Variants in NXPE2 observed in about 807,000 individuals in gnomAD.
NXPE2 encodes the protein neurexophilin and PC-esterase domain family member 2.
Under a neutral mutation model 34.4 loss-of-function variants are expected in NXPE2, and 34 were observed. The ratio of observed to expected loss-of-function variants is 0.99; its 90% CI spans 0.75 to 1.31. The LOEUF is 1.31. Among genes scored for constraint, NXPE2 ranks in the 40% most tolerant of loss-of-function variants. The pLI, the probability that NXPE2 is intolerant of heterozygous loss-of-function variation, is 0.00. For synonymous variants in NXPE2, 235 were observed against 231.3 expected (o/e 1.02, Z -0.15); for missense variants, 649 against 672.5 (o/e 0.97, Z 0.39).
the NXPE2 span, among the ~76,000 whole-genome samples, chr11:114,715,526 C>G: frequency 6.6e-6 from 1 of 151,878 alleles, no homozygotes; most frequent in African/African-American, 2.4e-5. Flanking sequence ...TAATAGAAAC[C>G]AATAAATTGT....
the NXPE2 span, among the ~76,000 whole-genome samples, chr11:114,550,350 A>G: frequency 6.6e-6 from 1 of 152,182 alleles, no homozygotes; most frequent in African/African-American, 2.4e-5. Context: ...CTTTGTAATT[A>G]AAGTAGGATG....
chr11:114,551,077 C>T, the NXPE2 span: 1 of 1,264,456 alleles, frequency 7.9e-7, no homozygotes, highest in Non-Finnish European at 1.1e-6. Flanking sequence ...ACTGTGTGAT[C>T]TGCATCAAAG....
chr11:114,490,215 T>A, the NXPE2 span, among the ~76,000 whole-genome samples: 6 of 152,140 alleles, frequency 3.9e-5, no homozygotes, highest in Non-Finnish European at 5.9e-5. Flanking sequence ...GAGGATACAA[T>A]CAAATGGAAG....
the NXPE2 span, among the ~76,000 whole-genome samples, chr11:114,770,903 G>A: frequency 6.6e-6 from 1 of 152,184 alleles, no homozygotes; most frequent in South Asian, 2.1e-4. Flanking sequence ...CTATGGGTGT[G>A]TGAACTTGGA....
chr11:114,783,235 A>C, the NXPE2 span, among the ~76,000 whole-genome samples: 77 of 152,350 alleles, frequency 5.1e-4, no homozygotes, highest in Non-Finnish European at 8.2e-4. Flanking sequence ...GGTTGCCCAA[A>C]GTAACCATAA....
At chr11:114,606,527 C>T in the NXPE2 span, among the ~76,000 whole-genome samples, 1 of 151,668 alleles carries the variant, frequency 6.6e-6, no homozygotes, top group Non-Finnish European at 1.5e-5. Flanking sequence ...CCACTGTTAC[C>T]CTTTGGATAA....
the NXPE2 span, chr11:114,527,870 G>A: frequency 6.2e-6 from 10 of 1,606,378 alleles, no homozygotes; most frequent in African/African-American, 1.4e-5. Context: ...ATGTGTTTAC[G>A]ATCCTTCATC....
the NXPE2 span, among the ~76,000 whole-genome samples, chr11:114,723,117 G>C: frequency 9.9e-4 from 150 of 152,244 alleles, no homozygotes; most frequent in Admixed American, 8.2e-3. Context: ...TCAAAATTCA[G>C]GGTAGTGGAT....
chr11:114,720,247 G>A, the NXPE2 span, among the ~76,000 whole-genome samples: 2,595 of 152,278 alleles, frequency 0.017, 77 homozygotes, highest in African/African-American at 0.057. Context: ...GGAGGGCCCT[G>A]AGCCATTGGA....
the NXPE2 span, among the ~76,000 whole-genome samples, chr11:114,783,604 T>C: frequency 6.6e-6 from 1 of 152,210 alleles, no homozygotes; most frequent in East Asian, 1.9e-4. Context: ...CAAGAAAGAC[T>C]GTTTAGATTT....
At chr11:114,582,363 G>T in the NXPE2 span, 1 of 1,614,020 alleles carries the variant, frequency 6.2e-7, no homozygotes. Flanking sequence ...AGTGAGTGCA[G>T]CACAGGGCAT....
chr11:114,545,832 G>T, the NXPE2 span, among the ~76,000 whole-genome samples: 1 of 151,864 alleles, frequency 6.6e-6, no homozygotes, highest in African/African-American at 2.4e-5. Flanking sequence ...GGGACTACAG[G>T]GGCACACCAC....
the NXPE2 span, among the ~76,000 whole-genome samples, chr11:114,671,806 G>A: frequency 6.6e-6 from 1 of 152,004 alleles, no homozygotes; most frequent in Non-Finnish European, 1.5e-5. Flanking sequence ...GAATTCCTCA[G>A]TTTGAAAACA....
chr11:114,557,430 T>C, the NXPE2 span, among the ~76,000 whole-genome samples: 1 of 151,880 alleles, frequency 6.6e-6, no homozygotes, highest in Non-Finnish European at 1.5e-5. Flanking sequence ...TTTCTTGCTA[T>C]AGTCAGGCAT....
At chr11:114,602,731 T>C in the NXPE2 span, among the ~76,000 whole-genome samples, 3 of 144,278 alleles carry the variant, frequency 2.1e-5, no homozygotes, top group African/African-American at 7.5e-5. Context: ...AATTATCTCA[T>C]ATATAATTAA....
At chr11:114,800,840 C>G in the NXPE2 span, among the ~76,000 whole-genome samples, 1 of 135,260 alleles carries the variant, frequency 7.4e-6, no homozygotes, top group Non-Finnish European at 1.6e-5. Context: ...ATGCAAAAAT[C>G]TTGTGTCTAG....
At chr11:114,640,293 T>C in the NXPE2 span, among the ~76,000 whole-genome samples, 1 of 145,486 alleles carries the variant, frequency 6.9e-6, no homozygotes, top group Non-Finnish European at 1.5e-5. Context: ...ATTTTGTTCA[T>C]TTTAAATTTT....
chr11:114,570,321 C>T, the NXPE2 span, among the ~76,000 whole-genome samples: 1 of 152,154 alleles, frequency 6.6e-6, no homozygotes, highest in Non-Finnish European at 1.5e-5. Flanking sequence ...TCAACAGCAA[C>T]AAGACTAAAG....
the NXPE2 span, among the ~76,000 whole-genome samples, chr11:114,525,220 C>T: frequency 6.6e-6 from 1 of 151,798 alleles, no homozygotes; most frequent in African/African-American, 2.4e-5. Flanking sequence ...CTTTTTTGGC[C>T]TCTCAGCTTC....
Sources: allele counts gnomAD v4.1 joint callset (sites outside exome capture counted in the v4.1 genomes callset), GRCh38; gene constraint gnomAD v4.1.1; transcripts MANE v1.5; gene names NCBI Gene and HGNC (gene_info 2026-07-23, HGNC 2026-07-21).